The following CRACDL variants were observed in gnomAD, a reference collection of about 807,000 sequenced individuals.
The protein encoded by CRACDL is CRACD like.
A neutral mutation model predicts 70.6 loss-of-function variants in CRACDL; 26 were observed. The observed-to-expected ratio is 0.37, with a 90% CI of 0.27 to 0.51. The LOEUF is 0.51. Ranked by LOEUF, CRACDL falls within the 20% of genes least tolerant of loss-of-function variation. CRACDL has a pLI of 0.94. For synonymous variants in CRACDL, 618 were observed against 615.2 expected, an observed-to-expected ratio of 1.00 and a Z score of -0.07; for missense variants, 1,283 against 1,376.9, an observed-to-expected ratio of 0.93 and a Z score of 1.08.
At chr2:98,879,789 G>A (rs1246237092) in intron 1 of CRACDL, among the ~76,000 whole-genome samples, 5 of 152,176 alleles carry the variant, frequency 3.3e-5, no homozygotes, top group Admixed American at 1.3e-4. Context: ...CAGGCAATCC[G>A]CCCGCCCTGG....
chr2:98,807,287 C>A (rs953827317), intron 7 of CRACDL, among the ~76,000 whole-genome samples: 2 of 152,192 alleles, frequency 1.3e-5, no homozygotes, highest in African/African-American at 4.8e-5. Flanking sequence ...TCCTATAAAA[C>A]CACTTCCTCC....
chr2:98,920,614 C>T (rs758453727), intron 1 of CRACDL, among the ~76,000 whole-genome samples: 2 of 152,122 alleles, frequency 1.3e-5, no homozygotes, highest in Admixed American at 6.5e-5. Flanking sequence ...TTATGCACAC[C>T]GGACCCCTCT....
intron 1 of CRACDL, among the ~76,000 whole-genome samples, chr2:98,865,268 A>G (rs1324296100): frequency 3.3e-5 from 5 of 151,948 alleles, no homozygotes; most frequent in African/African-American, 1.2e-4. Flanking sequence ...ACTCCTACTC[A>G]TCCTTCAGAT....
chr2:98,819,277 C>T (rs192657563), intron 7 of CRACDL, among the ~76,000 whole-genome samples: 87 of 152,298 alleles, frequency 5.7e-4, no homozygotes, highest in South Asian at 1.0e-3. Context: ...GATCTGACTA[C>T]GAGCTTGATA....
Position 98,822,689 on chromosome 2 carries a change from A to G in CRACDL, c.1584T>C (p.Gly528=). The change falls in exon 7 of 10, where the codon GGT becomes GGC. Residue 528 remains glycine (G), a synonymous_variant. Transcript: ENST00000397899. This position sits in a 1 kb window ranked among gnomAD's most constrained non-coding sequence, Gnocchi z 4.9. ...AESPPVEPGP[G]SLDAEAAAPE... is the part of the protein sequence containing the mutation. Reference sequence around the variant, plus strand: ...GGGCGGCGGCCTCTGCGTCGAGGGAACCGGGGCCGGGCTCCACCGGGGGAG... The same window carrying G: ...GGGCGGCGGCCTCTGCGTCGAGGGAGCCGGGGCCGGGCTCCACCGGGGGAG... 7.9e-7 allele frequency: 1 copy of G among 1,266,214 alleles called. No individual in the cohort carries two copies. 78.4% of individuals were successfully genotyped at this position (1,266,214 alleles called of 1,614,324 possible). A position where few individuals can be genotyped will look rare whatever the true frequency, so the allele number is the denominator to read the frequency against.
intron 1 of CRACDL, among the ~76,000 whole-genome samples, chr2:98,905,646 T>G (rs958890528): frequency 7.5e-4 from 88 of 117,954 alleles, no homozygotes; most frequent in African/African-American, 3.1e-3. Flanking sequence ...TTTTTTTTTT[T>G]GAGACAGAGT....
intron 1 of CRACDL, among the ~76,000 whole-genome samples, chr2:98,887,787 T>C (rs955083786): frequency 2.0e-5 from 3 of 152,162 alleles, no homozygotes; most frequent in African/African-American, 4.8e-5. Flanking sequence ...ACATATAAGA[T>C]AAAATTAGTA....
At position 98,823,093 on chromosome 2, in the gene CRACDL, C is replaced by T. The variant is rs1474233906; in HGVS notation, c.1180G>A (p.Ala394Thr). Residue 394 changes from alanine (A) to threonine (T), a missense_variant, in exon 7 of 10, where the codon GCT becomes ACT. By Grantham distance (58) the Ala-to-Thr change is moderately conservative. Around this residue, in one of 2 missense-constraint regions of CRACDL, gnomAD observed 921 missense variants for 881.9 expected, o/e 1.04. Transcript: ENST00000397899. The surrounding 1 kb of genome is among the most constrained non-coding windows in gnomAD (Gnocchi z 4.0). ...ATDKAEEVVC[A>T]PEDVASPFPT... Reference sequence around the variant, plus strand: ...AACGGGCTCGCGACGTCTTCGGGAGCACAGACCACCTCCTCCGCCTTGTCC... The same window carrying T: ...AACGGGCTCGCGACGTCTTCGGGAGTACAGACCACCTCCTCCGCCTTGTCC... The T allele has an allele frequency of 1.9e-6, 3 of 1,578,638 alleles. No individual in the cohort carries two copies. The highest frequency in any genetic ancestry group is 1.4e-5 in the African/African-American group (1 of 71,350).
rs900015824 is a variant in CRACDL at position 98,887,691 on chromosome 2, T to A, written c.-10-40881A>T. On this transcript the variant is annotated intron_variant, in intron 1 of 9. Transcript: ENST00000397899. ...TTCAAGGAGGATAAACTCAAAGAGATCGACACCTAGACATATCATAATCAA... is the reference window on the plus strand; with the variant it reads ...TTCAAGGAGGATAAACTCAAAGAGAACGACACCTAGACATATCATAATCAA... Among the ~76,000 whole-genome samples, 10 of 152,084 alleles carry A rather than the reference T, an allele frequency of 6.6e-5. No homozygotes were observed. In the South Asian group the frequency reaches 8.3e-4, roughly 13 times the overall value.
chr2:98,822,471 G>A lies in CRACDL; in HGVS notation c.1802C>T (p.Ala601Val), dbSNP rs1248493157. 1 of 1,474,486 alleles carries A rather than the reference G, an allele frequency of 6.8e-7. No homozygotes were observed. Among genetic ancestry groups the A allele is most frequent in the South Asian group, 1.3e-5 (1 of 78,136 alleles). The allele number at this position is 1,474,486 out of a possible 1,614,324, so 91.3% of individuals were successfully genotyped here. ...GCTCCTCCAGACCGGGCCGCTCCTCGCGAGGGGCAGGCGGCCGCTGGCCCG... is the reference window on the plus strand; with the variant it reads ...GCTCCTCCAGACCGGGCCGCTCCTCACGAGGGGCAGGCGGCCGCTGGCCCG... ...LERASGRLPLARSGPVWRSEA... is the reference protein window; with the variant it reads ...LERASGRLPLVRSGPVWRSEA... The change falls in exon 7 of 10, where the codon GCG becomes GTG. Residue 601 changes from alanine (A) to valine (V), a missense_variant. Transcript: ENST00000397899. This position sits in a 1 kb window ranked among gnomAD's most constrained non-coding sequence, Gnocchi z 4.9.
At chr2:98,821,629 A>G (rs1368477840) in intron 7 of CRACDL, among the ~76,000 whole-genome samples, 1 of 152,240 alleles carries the variant, frequency 6.6e-6, no homozygotes, top group African/African-American at 2.4e-5. Flanking sequence ...GTTTTAAGAA[A>G]GTTTACGAAT....
At chr2:98,796,028 T>A in intron 9 of CRACDL, 92 bp downstream of exon 9, 1 of 1,276,538 alleles carries the variant, frequency 7.8e-7, no homozygotes. Flanking sequence ...TGCAAGTAAT[T>A]TGCAAAAACC....
chr2:98,819,405 A>G (rs946225614), intron 7 of CRACDL, among the ~76,000 whole-genome samples: 1 of 152,234 alleles, frequency 6.6e-6, no homozygotes, highest in African/African-American at 2.4e-5. Flanking sequence ...TGCTACTTCA[A>G]TGGCTTTTTG....
chr2:98,870,507 C>T (rs1049950532), intron 1 of CRACDL, among the ~76,000 whole-genome samples: 6 of 140,482 alleles, frequency 4.3e-5, no homozygotes, highest in Admixed American at 1.5e-4. Flanking sequence ...CTCCTGCCAA[C>T]GACTTGGCCT....
rs144740994 is a variant in CRACDL, at chr2:98,816,262, T to G, written c.2416+5595A>C. Reference sequence around the variant, plus strand: ...CTGATACTCACTTTATGCATTCAGTTTAGGGTTTTATGACGTATCAGTGGG... The same window carrying G: ...CTGATACTCACTTTATGCATTCAGTGTAGGGTTTTATGACGTATCAGTGGG... On this transcript the variant is annotated intron_variant, in intron 7 of 9. Coordinates refer to ENST00000397899, the MANE Select transcript of CRACDL (RefSeq NM_207362.3). Among the ~76,000 whole-genome samples, 141 of 152,266 alleles carry G rather than the reference T, an allele frequency of 9.3e-4. 1 individual carries two copies. Among genetic ancestry groups the G allele is most frequent in the African/African-American group, 3.1e-3 (128 of 41,546 alleles).
At chr2:98,896,452 C>CA (rs1231534006) in intron 1 of CRACDL, among the ~76,000 whole-genome samples, 1 of 152,016 alleles carries the variant, frequency 6.6e-6, no homozygotes, top group South Asian at 2.1e-4. Context: ...GAGAGTGGCC[C>CA]AAAAAAAATC....
At chr2:98,837,143 G>A (rs1303735454) in intron 3 of CRACDL, among the ~76,000 whole-genome samples, 1 of 147,784 alleles carries the variant, frequency 6.8e-6, no homozygotes, top group African/African-American at 2.5e-5. Context: ...ATGGTGCAAT[G>A]TGAGTCTATT....
intron 1 of CRACDL, among the ~76,000 whole-genome samples, chr2:98,890,575 A>C (rs1235590762): frequency 6.6e-6 from 1 of 152,272 alleles, no homozygotes; most frequent in Non-Finnish European, 1.5e-5. Flanking sequence ...TGTTTAAAGA[A>C]TAGTACAAAT....
At chr2:98,797,270 G>A (rs1290128355) in intron 8 of CRACDL, 80 bp downstream of exon 8, 2 of 1,347,256 alleles carry the variant, frequency 1.5e-6, no homozygotes, top group Non-Finnish European at 1.0e-6. Flanking sequence ...AGCACATGTG[G>A]TCCTTACAGG....
Sources: gnomAD v4.1 joint callset for allele counts (sites outside exome capture counted in the v4.1 genomes callset) on GRCh38, gnomAD v4.1.1 for gene constraint, gnomAD v4.1.1 regional missense constraint, Gnocchi (gnomAD v3.1) non-coding constraint, MANE v1.5 for transcripts, NCBI Gene and HGNC (gene_info 2026-07-23, HGNC 2026-07-21) for gene names.